Variants in PTPRM observed in about 807,000 individuals in gnomAD.
PTPRM encodes the protein protein tyrosine phosphatase receptor type M, also known as receptor-type tyrosine-protein phosphatase mu.
A neutral mutation model predicts 186.7 loss-of-function variants in PTPRM; 47 were observed. The ratio of observed to expected loss-of-function variants is 0.25; its 90% CI spans 0.20 to 0.32. The LOEUF is 0.32. Ranked by LOEUF, PTPRM falls within the 10% of genes least tolerant of loss-of-function variation. The probability of loss-of-function intolerance (pLI) is 1.00; values close to 1 mark genes in which losing one functional copy is unlikely to be tolerated. For synonymous variants in PTPRM, 668 were observed against 674.9 expected (o/e 0.99, Z 0.16); for missense variants, 1,494 against 1,865.0 (o/e 0.80, Z 3.66).
chr18:8,029,440 A>C (rs983327590), intron 7 of PTPRM, among the ~76,000 whole-genome samples: 1 of 147,994 alleles, frequency 6.8e-6, no homozygotes, highest in African/African-American at 2.5e-5. Context: ...TCTCCCCCAC[A>C]CCTGTCCTGC....
intron 2 of PTPRM, among the ~76,000 whole-genome samples, chr18:7,867,293 C>T (rs538267966): frequency 4.6e-5 from 7 of 152,200 alleles, no homozygotes; most frequent in East Asian, 1.9e-4. Flanking sequence ...TTCATAGTGT[C>T]GATGTTCTTT....
intron 2 of PTPRM, among the ~76,000 whole-genome samples, chr18:7,880,085 A>G (rs1216484557): frequency 6.6e-6 from 1 of 152,112 alleles, no homozygotes; most frequent in Admixed American, 6.6e-5. Flanking sequence ...CTCACTCACT[A>G]TCATGAGGAC....
intron 1 of PTPRM, among the ~76,000 whole-genome samples, chr18:7,591,610 A>G (rs1440218636): frequency 6.6e-6 from 1 of 152,222 alleles, no homozygotes; most frequent in Middle Eastern, 3.2e-3. Flanking sequence ...GAGGGAAAAT[A>G]AATGATAATT....
intron 1 of PTPRM, among the ~76,000 whole-genome samples, chr18:7,676,688 T>TGTGC (rs567402218): frequency 0.079 from 11,793 of 150,008 alleles, 520 homozygotes; most frequent in East Asian, 0.17. Context: ...TGTGTGTGTG[T>TGTGC]GCGCGTGCAC....
chr18:7,695,224 A>G (rs1181145568), intron 1 of PTPRM, among the ~76,000 whole-genome samples: 1 of 152,260 alleles, frequency 6.6e-6, no homozygotes, highest in East Asian at 1.9e-4. Context: ...CAAACCGGAA[A>G]GGAGTCCCAG....
chr18:8,054,002 G>T (rs1004583365), intron 7 of PTPRM, among the ~76,000 whole-genome samples: 19 of 152,038 alleles, frequency 1.2e-4, no homozygotes, highest in African/African-American at 4.3e-4. Context: ...GCTGACATTT[G>T]CTATTTTTGT....
intron 2 of PTPRM, among the ~76,000 whole-genome samples, chr18:7,881,383 C>T (rs988285873): frequency 1.3e-5 from 2 of 152,124 alleles, no homozygotes; most frequent in African/African-American, 2.4e-5. Flanking sequence ...TGCAGTGAGC[C>T]GAGTTTGTGC....
At chr18:7,623,997 G>A (rs185805106) in intron 1 of PTPRM, among the ~76,000 whole-genome samples, 3 of 152,230 alleles carry the variant, frequency 2.0e-5, no homozygotes, top group Admixed American at 2.0e-4. Context: ...GGGGGTGGGG[G>A]TAACTATTAT....
chr18:8,118,621 G>A (rs1033122060), intron 13 of PTPRM, among the ~76,000 whole-genome samples: 11 of 151,928 alleles, frequency 7.2e-5, no homozygotes, highest in South Asian at 2.1e-4. Context: ...CCAACATGGC[G>A]AAACCCCGTC....
chr18:7,592,178 G>A (rs1254751179), intron 1 of PTPRM, among the ~76,000 whole-genome samples: 1 of 152,146 alleles, frequency 6.6e-6, no homozygotes, highest in African/African-American at 2.4e-5. Context: ...AGTCAGACTT[G>A]TTTTAAATTG....
At chr18:7,816,001 G>T (rs1255795948) in intron 2 of PTPRM, among the ~76,000 whole-genome samples, 1 of 152,286 alleles carries the variant, frequency 6.6e-6, no homozygotes, top group East Asian at 1.9e-4. Context: ...GGTGTGATAA[G>T]ACATCAGTAA....
At chr18:8,284,128 G>C (rs2094931506) in intron 19 of PTPRM, among the ~76,000 whole-genome samples, 1 of 152,152 alleles carries the variant, frequency 6.6e-6, no homozygotes, top group Non-Finnish European at 1.5e-5. Flanking sequence ...GGTCCTCCAA[G>C]GGCATTAGCT....
chr18:8,303,527 G>A (rs376854406), intron 20 of PTPRM, among the ~76,000 whole-genome samples: 2 of 152,302 alleles, frequency 1.3e-5, no homozygotes, highest in South Asian at 4.1e-4. Flanking sequence ...TGGCCTGGCA[G>A]AGCGAGCTTT....
At chr18:8,205,046 G>A (rs2093909238) in intron 14 of PTPRM, among the ~76,000 whole-genome samples, 1 of 152,078 alleles carries the variant, frequency 6.6e-6, no homozygotes, top group South Asian at 2.1e-4. Context: ...ATATTGTGTG[G>A]CTAAATGATT....
At chr18:7,587,946 A>C (rs2037022094) in intron 1 of PTPRM, among the ~76,000 whole-genome samples, 1 of 152,188 alleles carries the variant, frequency 6.6e-6, no homozygotes, top group African/African-American at 2.4e-5. Flanking sequence ...AAAAATTTTT[A>C]AATGGTAAAA....
chr18:8,127,750 A>C (rs558686672), intron 13 of PTPRM, among the ~76,000 whole-genome samples: 1 of 152,250 alleles, frequency 6.6e-6, no homozygotes, highest in Non-Finnish European at 1.5e-5. Flanking sequence ...GCTATCATTC[A>C]TTCATTCATT....
At chr18:7,705,702 A>T (rs573574208) in intron 1 of PTPRM, among the ~76,000 whole-genome samples, 3 of 150,770 alleles carry the variant, frequency 2.0e-5, no homozygotes, top group African/African-American at 7.3e-5. Context: ...TCTTTCTTTC[A>T]TTCTTTCTTC....
At chr18:8,011,410 C>G (rs1026258995) in intron 7 of PTPRM, among the ~76,000 whole-genome samples, 1 of 152,158 alleles carries the variant, frequency 6.6e-6, no homozygotes, top group Admixed American at 6.5e-5. Context: ...CCATCAATCT[C>G]TAGCCCTCTG....
At chr18:7,998,256 T>G (rs2083658714) in intron 7 of PTPRM, among the ~76,000 whole-genome samples, 1 of 151,918 alleles carries the variant, frequency 6.6e-6, no homozygotes, top group African/African-American at 2.4e-5. Context: ...GAGGACATTA[T>G]GTTAAATTAA....
Sources: allele counts gnomAD v4.1 joint callset (sites outside exome capture counted in the v4.1 genomes callset), GRCh38; gene constraint gnomAD v4.1.1; transcripts MANE v1.5; gene names NCBI Gene and HGNC (gene_info 2026-07-23, HGNC 2026-07-21).